The following FRMD4A variants were observed in gnomAD, a reference collection of about 807,000 sequenced individuals.
The protein encoded by FRMD4A is FERM domain-containing protein 4A.
In FRMD4A, 29 loss-of-function variants were observed where a neutral mutation model predicts 129.1. The observed-to-expected ratio is 0.22, with a 90% CI of 0.17 to 0.31. The LOEUF is 0.31. Ranked by LOEUF, FRMD4A falls within the 10% of genes least tolerant of loss-of-function variation. The pLI is 1.00. For synonymous variants in FRMD4A, 634 were observed against 571.6 expected, an observed-to-expected ratio of 1.11 and a Z score of -1.56; for missense variants, 1,272 against 1,375.8, an observed-to-expected ratio of 0.92 and a Z score of 1.19.
intron 2 of FRMD4A, among the ~76,000 whole-genome samples, chr10:14,147,144 A>T (rs946961408): frequency 1.3e-5 from 2 of 152,190 alleles, no homozygotes; most frequent in Non-Finnish European, 2.9e-5. Context: ...TTCGAAAAGG[A>T]ACACATTTTC....
intron 15 of FRMD4A, chr10:13,684,413 G>T (rs2084894387): frequency 3.0e-6 from 3 of 984,854 alleles, no homozygotes; most frequent in Non-Finnish European, 3.6e-6. Flanking sequence ...TGGAGACACT[G>T]CCTGTGTCAC....
At chr10:13,963,134 T>C (rs1320761594) in intron 2 of FRMD4A, among the ~76,000 whole-genome samples, 3 of 152,282 alleles carry the variant, frequency 2.0e-5, no homozygotes, top group East Asian at 1.9e-4. Context: ...CCAGTAGAAA[T>C]GCAAACACAT....
chr10:13,883,932 C>G (rs767947601), intron 2 of FRMD4A, among the ~76,000 whole-genome samples: 1 of 152,070 alleles, frequency 6.6e-6, no homozygotes, highest in Non-Finnish European at 1.5e-5. Flanking sequence ...TAATCAGTCT[C>G]CAGAAGACAG....
intron 2 of FRMD4A, among the ~76,000 whole-genome samples, chr10:14,180,328 T>C: frequency 6.6e-6 from 1 of 152,218 alleles, no homozygotes; most frequent in East Asian, 1.9e-4. Flanking sequence ...TCCTGATTAT[T>C]CATACATTTT....
chr10:13,722,741 A>G (rs1588427922), intron 12 of FRMD4A, among the ~76,000 whole-genome samples: 1 of 152,220 alleles, frequency 6.6e-6, no homozygotes, highest in African/African-American at 2.4e-5. Context: ...TCCACAGGAG[A>G]GGTGAAAAGC....
intron 2 of FRMD4A, among the ~76,000 whole-genome samples, chr10:14,055,918 T>C (rs1352672097): frequency 6.6e-6 from 1 of 152,230 alleles, no homozygotes; most frequent in Non-Finnish European, 1.5e-5. Context: ...TATCAAATAA[T>C]AGTGGGTCTT....
At chr10:14,164,130 C>T (rs1238601370) in intron 2 of FRMD4A, among the ~76,000 whole-genome samples, 1 of 152,234 alleles carries the variant, frequency 6.6e-6, no homozygotes, top group East Asian at 1.9e-4. Context: ...CCAACCATGG[C>T]TTTGAAAGCC....
rs116696579 is a variant in FRMD4A, at chr10:13,845,038, T to C, written c.111+13809A>G. On this transcript the variant is annotated intron_variant, in intron 3 of 24. Coordinates refer to ENST00000357447, the MANE Select transcript of FRMD4A (RefSeq NM_018027.5). ...AAAACCAATATGATCCATTCGGATATAGTTGTGCTTCAGTATCATTTTAAT... is the reference window on the plus strand; with the variant it reads ...AAAACCAATATGATCCATTCGGATACAGTTGTGCTTCAGTATCATTTTAAT... Among the ~76,000 whole-genome samples, 673 of 152,330 alleles carry C rather than the reference T, an allele frequency of 4.4e-3. 2 individuals are homozygous for C. Among genetic ancestry groups the C allele is most frequent in the African/African-American group, 0.014 (577 of 41,576 alleles).
At chr10:14,316,651 G>A (rs905010626) in intron 2 of FRMD4A, among the ~76,000 whole-genome samples, 1 of 152,182 alleles carries the variant, frequency 6.6e-6, no homozygotes, top group East Asian at 1.9e-4. Flanking sequence ...CCATTTTGAG[G>A]AGAGATGTTT....
chr10:14,243,085 C>A (rs1844107997), intron 2 of FRMD4A, among the ~76,000 whole-genome samples: 1 of 152,164 alleles, frequency 6.6e-6, no homozygotes, highest in African/African-American at 2.4e-5. Flanking sequence ...TCCATACACA[C>A]ACACATGCTG....
At chr10:14,104,331 G>A (rs548311787) in intron 2 of FRMD4A, among the ~76,000 whole-genome samples, 1 of 152,208 alleles carries the variant, frequency 6.6e-6, no homozygotes, top group African/African-American at 2.4e-5. Context: ...CTGCCATCGA[G>A]GTTACACTGC....
intron 4 of FRMD4A, among the ~76,000 whole-genome samples, chr10:13,809,989 C>G (rs1359457780): frequency 2.0e-5 from 3 of 152,166 alleles, no homozygotes. Context: ...GCCTCGGCTC[C>G]CCTGTACTGT....
rs569218744 is a variant in FRMD4A, at chr10:13,999,279, A to C, written c.46-140367T>G. On this transcript the variant is annotated intron_variant, in intron 2 of 24. Transcript: ENST00000357447. Reference sequence around the variant, plus strand: ...ACTCATCACCACTTGACGTACTACCAATTCACGAAAGCGCAGACTTAGCTG... The same window carrying C: ...ACTCATCACCACTTGACGTACTACCCATTCACGAAAGCGCAGACTTAGCTG... 5.0e-4 allele frequency among the ~76,000 whole-genome samples: 76 copies of C among 152,222 alleles called. 1 individual carries two copies. The highest frequency in any genetic ancestry group is 1.3e-4 in the Non-Finnish European group (9 of 68,014).
At chr10:13,958,179 T>G (rs571852056) in intron 2 of FRMD4A, among the ~76,000 whole-genome samples, 11 of 152,290 alleles carry the variant, frequency 7.2e-5, no homozygotes, top group Admixed American at 6.5e-4. Flanking sequence ...CCTATCCTTT[T>G]GTGTTTCTTT....
chr10:14,167,538 CAAAAAAAAAAA>C (rs59290414), intron 2 of FRMD4A, among the ~76,000 whole-genome samples: 2 of 57,576 alleles, frequency 3.5e-5, no homozygotes, highest in South Asian at 9.8e-4. Flanking sequence ...CTCCGTCTCT[CAAAAAAAAAAA>C]AAAAAAAAAA....
chr10:13,874,504 C>T (rs1483929169), intron 2 of FRMD4A, among the ~76,000 whole-genome samples: 2 of 151,966 alleles, frequency 1.3e-5, no homozygotes, highest in Admixed American at 6.6e-5. Flanking sequence ...TCATTCTAAA[C>T]AATAAATTAT....
Position 13,694,022 on chromosome 10 carries a change from T to C in FRMD4A, c.993A>G (p.Ala331=), listed in dbSNP as rs771020910. 48 of 1,516,282 alleles carry C rather than the reference T, an allele frequency of 3.2e-5. No individual in the cohort carries two copies. The highest frequency in any genetic ancestry group is 4.1e-5 in the Non-Finnish European group (47 of 1,134,196). 93.9% of individuals were successfully genotyped at this position (1,516,282 alleles called of 1,614,324 possible). The change falls in exon 15 of 25, where the codon GCA becomes GCG. Residue 331 remains alanine, a synonymous_variant. Coordinates refer to ENST00000357447, the MANE Select transcript of FRMD4A (RefSeq NM_018027.5). The part of the protein sequence containing the change: ...RKQSKSKIHA[A]RSLSEIAIDL... ...CGATGGCGATCTCACTCAGGCTGCGTGCTGCATGGATTTTGGACTGGAATG... is the reference window on the plus strand; with the variant it reads ...CGATGGCGATCTCACTCAGGCTGCGCGCTGCATGGATTTTGGACTGGAATG...
intron 2 of FRMD4A, among the ~76,000 whole-genome samples, chr10:14,190,093 A>C (rs1564375198): frequency 6.6e-6 from 1 of 152,226 alleles, no homozygotes; most frequent in South Asian, 2.1e-4. Context: ...TGTCTCATAG[A>C]CACTACCCTT....
intron 2 of FRMD4A, among the ~76,000 whole-genome samples, chr10:14,145,654 A>G (rs2131847751): frequency 6.6e-6 from 1 of 152,328 alleles, no homozygotes; most frequent in East Asian, 1.9e-4. Context: ...CTGTTACTGG[A>G]TATAGAAACC....
Sources: allele counts gnomAD v4.1 joint callset (sites outside exome capture counted in the v4.1 genomes callset), GRCh38; gene constraint gnomAD v4.1.1; transcripts MANE v1.5; gene names NCBI Gene and HGNC (gene_info 2026-07-23, HGNC 2026-07-21).